CTNNA3: variants seen among roughly 807,000 people sequenced by gnomAD.
CTNNA3 encodes the protein catenin alpha-3.
CTNNA3 carries 76 observed loss-of-function variants against 95.7 expected under a neutral mutation model. The ratio of observed to expected loss-of-function variants is 0.79; its 90% confidence interval spans 0.66 to 0.96. CTNNA3 has a LOEUF of 0.96. CTNNA3 is among the 40% of genes least tolerant of loss of function. The pLI is 0.00. For missense variants in CTNNA3, 1,191 were observed against 1,089.8 expected (o/e 1.09, Z -1.31); for synonymous variants, 431 against 374.4 (o/e 1.15, Z -1.74).
At chr10:66,401,518 A>AACACAC (rs140986771) in intron 11 of CTNNA3, among the ~76,000 whole-genome samples, 5,928 of 143,912 alleles carry the variant, frequency 0.041, 176 homozygotes, top group East Asian at 0.11. Flanking sequence ...TGTGTCTCAA[A>AACACAC]ACACACACAC....
In CTNNA3 at chr10:66,621,697, GA is replaced by G; in HGVS notation, c.1368del (p.Pro457HisfsTer41). ...AAGTAACTTAGTTGTCATACCTGTG[GA>G]CACAAGGTTTCCAAATGATTGGCTG... ...KIAANHLETL[C>X]PQIINAALAL... On this transcript the variant is annotated frameshift_variant, in exon 10 of 18. Coordinates refer to ENST00000433211, the MANE Select transcript of CTNNA3 (RefSeq NM_013266.4). LOFTEE classifies it high-confidence loss of function. 1.9e-6 allele frequency: 3 copies of G among 1,595,452 alleles called. No individual in the cohort carries two copies. Among genetic ancestry groups the G allele is most frequent in the Non-Finnish European group, 2.6e-6 (3 of 1,165,916 alleles).
chr10:66,296,177 G>A (rs2091774128), intron 12 of CTNNA3, among the ~76,000 whole-genome samples: 1 of 151,984 alleles, frequency 6.6e-6, no homozygotes, highest in Non-Finnish European at 1.5e-5. Flanking sequence ...TTATGTGGTA[G>A]GGAAATTAGC....
intron 7 of CTNNA3, among the ~76,000 whole-genome samples, chr10:67,082,139 A>G (rs770052100): frequency 6.6e-6 from 1 of 152,164 alleles, no homozygotes; most frequent in Non-Finnish European, 1.5e-5. Flanking sequence ...GATTTTTTAA[A>G]ATTAAAAAAC....
rs143603577 is a variant in CTNNA3 at position 66,213,441 on chromosome 10, C to A, written c.1884+67029G>T. ...GCTAGATGAATTACTGACTACGCTA[C>A]ATTTTTTCCTATGTCAGGGAAAAGT... On this transcript the variant is annotated intron_variant, in intron 13 of 17. Transcript: ENST00000433211. 5.7e-4 allele frequency among the ~76,000 whole-genome samples: 87 copies of A among 152,232 alleles called. No individual in the cohort carries two copies. The East Asian group carries it at 0.015, about 27-fold the overall frequency.
chr10:66,649,607 C>T (rs1438333359), intron 9 of CTNNA3, among the ~76,000 whole-genome samples: 1 of 152,178 alleles, frequency 6.6e-6, no homozygotes, highest in Admixed American at 6.5e-5. Flanking sequence ...CCCCAGACTC[C>T]AGGCTGATAC....
chr10:67,639,678 C>T (rs1486366479), intron 2 of CTNNA3, among the ~76,000 whole-genome samples: 2 of 152,052 alleles, frequency 1.3e-5, no homozygotes, highest in African/African-American at 4.8e-5. Flanking sequence ...GGGCTTCATC[C>T]CTGGGATGCA....
At chr10:66,795,013 C>T (rs534103993) in intron 7 of CTNNA3, among the ~76,000 whole-genome samples, 9 of 152,152 alleles carry the variant, frequency 5.9e-5, no homozygotes, top group Non-Finnish European at 1.3e-4. Context: ...TCCACCACAT[C>T]CTCAGTTACT....
chr10:67,064,783 T>C (rs892736947), intron 7 of CTNNA3, among the ~76,000 whole-genome samples: 3 of 152,150 alleles, frequency 2.0e-5, no homozygotes, highest in African/African-American at 7.2e-5. Flanking sequence ...GTAATTTCAA[T>C]CTCACTTTTA....
intron 5 of CTNNA3, among the ~76,000 whole-genome samples, chr10:67,370,628 T>C (rs1264483846): frequency 6.6e-6 from 1 of 152,196 alleles, no homozygotes; most frequent in Non-Finnish European, 1.5e-5. Context: ...TCCTTATAAC[T>C]AAACTCTGTT....
At chr10:66,383,829 T>C (rs916334621) in intron 11 of CTNNA3, among the ~76,000 whole-genome samples, 6 of 152,164 alleles carry the variant, frequency 3.9e-5, no homozygotes, top group African/African-American at 1.4e-4. Flanking sequence ...ACCCAGAATT[T>C]CATATCCAGC....
At chr10:67,382,218 G>A (rs1449870849) in intron 5 of CTNNA3, among the ~76,000 whole-genome samples, 1 of 152,038 alleles carries the variant, frequency 6.6e-6, no homozygotes, top group African/African-American at 2.4e-5. Context: ...TGTCTACTAA[G>A]AACAGTGCAA....
intron 7 of CTNNA3, among the ~76,000 whole-genome samples, chr10:66,976,333 C>A (rs1464443249): frequency 6.6e-6 from 1 of 152,140 alleles, no homozygotes; most frequent in Non-Finnish European, 1.5e-5. Context: ...AATTAAGGAA[C>A]TGGTAAGGCA....
At chr10:67,692,003 G>A (rs1355949620) in intron 1 of CTNNA3, among the ~76,000 whole-genome samples, 5 of 146,538 alleles carry the variant, frequency 3.4e-5, no homozygotes, top group African/African-American at 5.1e-5. Context: ...GCCTCTGCCC[G>A]GCCGCCCCTA....
intron 9 of CTNNA3, among the ~76,000 whole-genome samples, chr10:66,630,160 G>A (rs1030061874): frequency 6.6e-6 from 1 of 152,128 alleles, no homozygotes; most frequent in Admixed American, 6.6e-5. Context: ...GGGAGTGAAT[G>A]AATGCATGAA....
intron 5 of CTNNA3, among the ~76,000 whole-genome samples, chr10:67,497,919 C>T (rs1169201992): frequency 6.6e-6 from 1 of 152,136 alleles, no homozygotes; most frequent in Admixed American, 6.5e-5. Flanking sequence ...TTTTGCTGTG[C>T]AGAAGCTCTT....
At chr10:66,830,328 A>C (rs1329575188) in intron 7 of CTNNA3, among the ~76,000 whole-genome samples, 1 of 152,238 alleles carries the variant, frequency 6.6e-6, no homozygotes, top group Non-Finnish European at 1.5e-5. Context: ...AAACAGTATT[A>C]AGATATTTAA....
Position 66,303,658 on chromosome 10 carries a change from G to A in CTNNA3, c.1733-23037C>T, listed in dbSNP as rs898130977. Among the ~76,000 whole-genome samples the A allele has an allele frequency of 3.9e-5, 6 of 151,990 alleles. No individual in the cohort carries two copies. In the East Asian group the frequency reaches 5.8e-4, roughly 15 times the overall value. ...CAAATTTATTTATTTATTTAGAGACGGAGTCTCACTCTGTCACCCAGGCTG... is the reference window on the plus strand; with the variant it reads ...CAAATTTATTTATTTATTTAGAGACAGAGTCTCACTCTGTCACCCAGGCTG... On this transcript the variant is annotated intron_variant, in intron 12 of 17. Coordinates refer to ENST00000433211, the MANE Select transcript of CTNNA3 (RefSeq NM_013266.4).
At chr10:67,180,102 G>A (rs957342565) in intron 7 of CTNNA3, among the ~76,000 whole-genome samples, 2 of 152,028 alleles carry the variant, frequency 1.3e-5, no homozygotes, top group African/African-American at 4.8e-5. Flanking sequence ...ACAATCACCT[G>A]TAAATACCCT....
chr10:66,370,453 C>T (rs1045818939), intron 12 of CTNNA3, among the ~76,000 whole-genome samples: 1 of 152,118 alleles, frequency 6.6e-6, no homozygotes, highest in Non-Finnish European at 1.5e-5. Flanking sequence ...GTTTATAAAA[C>T]ATTTTACAGT....
Sources: gnomAD v4.1 joint callset for allele counts (sites outside exome capture counted in the v4.1 genomes callset) on GRCh38, gnomAD v4.1.1 for gene constraint, MANE v1.5 for transcripts, NCBI Gene and HGNC (gene_info 2026-07-23, HGNC 2026-07-21) for gene names.